Variants in KDM4B observed in about 807,000 individuals in gnomAD.
KDM4B encodes the protein lysine demethylase 4B.
Under a neutral mutation model 125.2 loss-of-function variants are expected in KDM4B, and 32 were observed. The ratio of observed to expected loss-of-function variants is 0.26; its 90% CI spans 0.19 to 0.34. The LOEUF (loss-of-function observed/expected upper bound fraction) is 0.34, where lower values mean the gene tolerates loss of function less well. Ranked by LOEUF, KDM4B falls within the 10% of genes least tolerant of loss-of-function variation. The pLI, the probability that KDM4B is intolerant of heterozygous loss-of-function variation, is 1.00. For missense variants in KDM4B, 1,190 were observed against 1,577.7 expected (o/e 0.75, Z 4.16); for synonymous variants, 721 against 677.9 (o/e 1.06, Z -0.99).
intron 5 of KDM4B, among the ~76,000 whole-genome samples, chr19:5,045,256 C>T (rs541068991): frequency 5.3e-5 from 8 of 152,346 alleles, no homozygotes; most frequent in Non-Finnish European, 1.0e-4. Context: ...AGGCGTGTTG[C>T]GCTGTCTCAT....
intron 2 of KDM4B, among the ~76,000 whole-genome samples, chr19:5,030,216 C>G (rs1599453070): frequency 6.6e-6 from 1 of 152,320 alleles, no homozygotes; most frequent in Non-Finnish European, 1.5e-5. Flanking sequence ...GAGTGATCCT[C>G]CTGCCTCTAC....
At chr19:5,136,610 C>T (rs1599257232) in intron 15 of KDM4B, among the ~76,000 whole-genome samples, 3 of 152,154 alleles carry the variant, frequency 2.0e-5, no homozygotes, top group African/African-American at 7.2e-5. Flanking sequence ...CCGGGCCGCC[C>T]CAGCCAGGCT....
At position 5,008,340 on chromosome 19, in the gene KDM4B, C is replaced by G. The variant is rs142973696; in HGVS notation, c.-108-7917C>G. Among the ~76,000 whole-genome samples, 449 of 152,260 alleles carry G rather than the reference C, an allele frequency of 2.9e-3. 3 individuals are homozygous for G. Among genetic ancestry groups the G allele is most frequent in the African/African-American group, 0.01 (435 of 41,548 alleles). On this transcript the variant is annotated intron_variant, in intron 1 of 22. Coordinates refer to ENST00000159111, the MANE Select transcript of KDM4B (RefSeq NM_015015.3). The stretch of plus-strand genomic sequence containing the variant: ...TGACTTTAAGCGTGTGGGTTTATTT[C>G]TGGACTCTCAGCTTTCTCCCGTTTA...
chr19:5,065,743 C>T lies in KDM4B; in HGVS notation c.627-5267C>T, dbSNP rs547663095. 2.7e-4 allele frequency among the ~76,000 whole-genome samples: 41 copies of T among 152,372 alleles called. 1 individual carries two copies. The South Asian group carries it at 5.8e-3, about 22-fold the overall frequency. On this transcript the variant is annotated intron_variant, in intron 6 of 22. Coordinates refer to ENST00000159111, the MANE Select transcript of KDM4B (RefSeq NM_015015.3). ...CTGGTTCCGGCTCCAGCTCCGGCTC[C>T]GGCTCATGAGCTGCCCGCCATCCAT...
At chr19:5,113,112 C>A (rs947310445) in intron 10 of KDM4B, 8 of 152,258 alleles carry the variant, frequency 5.3e-5, no homozygotes, top group Non-Finnish European at 8.8e-5. Flanking sequence ...AAGTGGACCC[C>A]CCAGAACCAG....
intron 1 of KDM4B, among the ~76,000 whole-genome samples, chr19:4,978,201 C>T (rs969904980): frequency 2.0e-5 from 3 of 152,180 alleles, no homozygotes; most frequent in Middle Eastern, 3.4e-3. Flanking sequence ...GTTCTCTTGA[C>T]ACCCCTAGAA....
At chr19:5,119,554 G>T in intron 10 of KDM4B, 99 bp from the exon 11 acceptor site, 6 of 1,190,490 alleles carry the variant, frequency 5.0e-6, no homozygotes, top group East Asian at 2.5e-5. Flanking sequence ...GCGCTCTTCT[G>T]GGGGTGGGCG....
At chr19:4,987,111 A>G (rs1049263690) in intron 1 of KDM4B, among the ~76,000 whole-genome samples, 1 of 152,042 alleles carries the variant, frequency 6.6e-6, no homozygotes, top group African/African-American at 2.4e-5. Flanking sequence ...GGCGCCCGCC[A>G]CTACGCCTGG....
At position 5,019,380 on chromosome 19, in the gene KDM4B, G is replaced by T. The variant is rs546936614; in HGVS notation, c.-26+3041G>T. ...TGCAGGTGTTGGTGTGGACATTGGT[G>T]TGCAGGTGCTGGTGTGGATGTTGGT... is the stretch of plus-strand genomic sequence containing the variant. On this transcript the variant is annotated intron_variant, in intron 2 of 22. Coordinates refer to ENST00000159111, the MANE Select transcript of KDM4B (RefSeq NM_015015.3). Among the ~76,000 whole-genome samples the T allele has an allele frequency of 3.5e-4, 52 of 149,802 alleles. 1 individual carries two copies. Among genetic ancestry groups the T allele is most frequent in the African/African-American group, 1.3e-3 (51 of 40,690 alleles).
At position 5,137,611 on chromosome 19, in the gene KDM4B, G is replaced by C. The variant is rs1568321256; in HGVS notation, c.2386-10G>C. The C allele has an allele frequency of 1.2e-6, 2 of 1,603,466 alleles. No homozygotes were observed. ...AGCCCTGCTCATCCAGGGCTGTCTGGTCTCCACAGGAGTGCTGCCTGTGCA... is the reference window on the plus strand; with the variant it reads ...AGCCCTGCTCATCCAGGGCTGTCTGCTCTCCACAGGAGTGCTGCCTGTGCA... On this transcript the variant is annotated splice_polypyrimidine_tract_variant and intron_variant, in intron 16 of 22. Coordinates refer to ENST00000159111, the MANE Select transcript of KDM4B (RefSeq NM_015015.3).
At chr19:5,009,988 T>TC (rs1203934173) in intron 1 of KDM4B, among the ~76,000 whole-genome samples, 3 of 152,230 alleles carry the variant, frequency 2.0e-5, no homozygotes, top group African/African-American at 7.2e-5. Flanking sequence ...TGCCTTGGCC[T>TC]CCCAAAGTGC....
intron 15 of KDM4B, among the ~76,000 whole-genome samples, chr19:5,136,977 G>A (rs1041560100): frequency 1.1e-4 from 16 of 152,200 alleles, no homozygotes; most frequent in African/African-American, 3.1e-4. Flanking sequence ...CAGGCTGAGC[G>A]CGGCAGACCC....
Position 5,110,787 on chromosome 19 carries a change from C to T in KDM4B, c.1084C>T (p.Arg362Trp), listed in dbSNP as rs774247462. Residue 362 changes from arginine (R) to tryptophan (W), a missense_variant, in exon 10 of 23, where the codon CGG becomes TGG. Transcript: ENST00000159111. ...SPELSSWSAS[R>W]ASLKAKLLRR... ...CGAGCTGAGCTCCTGGAGTGCATCC[C>T]GGGCCTCGCTGAAGGCCAAGCTCCT... 1.8e-5 allele frequency: 29 copies of T among 1,598,010 alleles called. No individual in the cohort carries two copies. The highest frequency in any genetic ancestry group is 2.4e-5 in the Non-Finnish European group (28 of 1,172,516).
chr19:5,144,733 C>T (rs760421971), intron 20 of KDM4B, 50 bp from the exon 21 acceptor site: 7 of 1,610,460 alleles, frequency 4.3e-6, no homozygotes, highest in Middle Eastern at 1.7e-4. Context: ...CAGCGACAGC[C>T]CCCAGCGTAG....
At chr19:5,052,195 A>G (rs888879887) in intron 6 of KDM4B, among the ~76,000 whole-genome samples, 5 of 152,018 alleles carry the variant, frequency 3.3e-5, no homozygotes, top group Admixed American at 2.6e-4. Flanking sequence ...GTTTTCCCTC[A>G]TGGGAATTTC....
At chr19:4,980,421 C>CTTT (rs572345837) in intron 1 of KDM4B, among the ~76,000 whole-genome samples, 20 of 109,730 alleles carry the variant, frequency 1.8e-4, no homozygotes, top group Admixed American at 3.8e-4. Flanking sequence ...CCTTTTCTTT[C>CTTT]TTTTTTTTTT....
Position 5,035,125 on chromosome 19 carries a change from C to A in KDM4B, c.141+2094C>A, listed in dbSNP as rs10404611. Among the ~76,000 whole-genome samples, 13 of 152,070 alleles carry A rather than the reference C, an allele frequency of 8.5e-5. No homozygotes were observed. Among genetic ancestry groups the A allele is most frequent in the African/African-American group, 3.1e-4 (13 of 41,392 alleles). ...TTGGTCCTCCTATCTCATCTCAGAC[C>A]GTCTTCTCTGGCCCTCTAGGCCACA... On this transcript the variant is annotated intron_variant, in intron 3 of 22. Coordinates refer to ENST00000159111, the MANE Select transcript of KDM4B (RefSeq NM_015015.3). This position sits in a 1 kb window ranked among gnomAD's most constrained non-coding sequence, Gnocchi z 5.3.
intron 21 of KDM4B, among the ~76,000 whole-genome samples, chr19:5,149,411 G>A (rs2039908252): frequency 1.3e-5 from 2 of 152,212 alleles, no homozygotes; most frequent in African/African-American, 2.4e-5. Context: ...GCTCACTACA[G>A]CCTCCACCTC....
intron 1 of KDM4B, among the ~76,000 whole-genome samples, chr19:5,007,060 CG>C (rs972834808): frequency 3.2e-4 from 49 of 152,066 alleles, no homozygotes; most frequent in African/African-American, 1.1e-3. Flanking sequence ...CTGGGCGGAA[CG>C]GGGGAGGCGG....
Sources: gnomAD v4.1 joint callset for allele counts (sites outside exome capture counted in the v4.1 genomes callset) on GRCh38, gnomAD v4.1.1 for gene constraint, Gnocchi (gnomAD v3.1) non-coding constraint, MANE v1.5 for transcripts, NCBI Gene and HGNC (gene_info 2026-07-23, HGNC 2026-07-21) for gene names.